SAMMSON: variants seen among roughly 807,000 people sequenced by gnomAD.
The protein encoded by SAMMSON is long intergenic non-protein coding RNA 1212.
chr3:70,094,244 G>A (rs560797586), intron 4 of SAMMSON, among the ~76,000 whole-genome samples: 2 of 152,134 alleles, frequency 1.3e-5, no homozygotes, highest in South Asian at 2.1e-4. Context: ...CCACCACCAG[G>A]ATCTCATCTA....
At chr3:70,291,014 G>A (rs999435802) in intron 6 of SAMMSON, among the ~76,000 whole-genome samples, 4 of 152,182 alleles carry the variant, frequency 2.6e-5, no homozygotes, top group Non-Finnish European at 5.9e-5. Context: ...AGAAATCACC[G>A]GTCTTCTGCT....
chr3:70,170,911 C>A (rs1273746680), intron 4 of SAMMSON, among the ~76,000 whole-genome samples: 7 of 151,836 alleles, frequency 4.6e-5, no homozygotes, highest in Non-Finnish European at 7.4e-5. Context: ...ATACACTGTT[C>A]TTAAACAAAC....
intron 4 of SAMMSON, among the ~76,000 whole-genome samples, chr3:70,231,415 C>T (rs542769493): frequency 1.3e-5 from 2 of 152,196 alleles, no homozygotes; most frequent in Non-Finnish European, 2.9e-5. Flanking sequence ...AGCTCTACCC[C>T]CAGAGCTCCC....
In SAMMSON at chr3:70,320,735, A is replaced by G. The variant is rs1702533097; in HGVS notation, n.739+29492A>G. ...CGAAATGGGTCATTCAAGCTGGCCA[A>G]TCCAATCCTCTCCCAAAATTTGGAA... is the stretch of plus-strand genomic sequence containing the variant. On this transcript the variant is annotated intron_variant and non_coding_transcript_variant, in intron 7 of 9. Transcript: ENST00000642114. Among the ~76,000 whole-genome samples, 8 of 152,226 alleles carry G rather than the reference A, an allele frequency of 5.3e-5. No individual in the cohort carries two copies. The South Asian group carries it at 1.2e-3, about 24-fold the overall frequency.
At chr3:70,102,845 C>G (rs2067351395) in intron 4 of SAMMSON, among the ~76,000 whole-genome samples, 1 of 152,178 alleles carries the variant, frequency 6.6e-6, no homozygotes, top group Non-Finnish European at 1.5e-5. Flanking sequence ...GATTGCTCTG[C>G]TCTGCTCTTT....
chr3:70,008,699 G>T (rs1356453861), intron 1 of SAMMSON, among the ~76,000 whole-genome samples: 1 of 152,124 alleles, frequency 6.6e-6, no homozygotes, highest in Non-Finnish European at 1.5e-5. Context: ...GTGAGAGAGG[G>T]CATCCCTGTC....
intron 1 of SAMMSON, among the ~76,000 whole-genome samples, chr3:70,007,705 A>T (rs578127569): frequency 2.6e-5 from 4 of 152,016 alleles, no homozygotes; most frequent in Admixed American, 2.6e-4. Context: ...GGTGTTTTAG[A>T]CATGAAGTCC....
In SAMMSON at chr3:70,287,700, G is replaced by T. The variant is rs892994652; in HGVS notation, n.675-3479G>T. On this transcript the variant is annotated intron_variant and non_coding_transcript_variant, in intron 6 of 9. Transcript: ENST00000642114. ...ATCCGTCTGGTCCTGGACTCTTTTT[G>T]GTTGGTAAGCTATTGATTATTGCCA... Among the ~76,000 whole-genome samples, 425 of 151,942 alleles carry T rather than the reference G, an allele frequency of 2.8e-3. 3 individuals are homozygous for T. The highest frequency in any genetic ancestry group is 9.4e-3 in the African/African-American group (388 of 41,438).
intron 4 of SAMMSON, among the ~76,000 whole-genome samples, chr3:70,114,242 G>A (rs962990659): frequency 6.6e-6 from 1 of 152,086 alleles, no homozygotes; most frequent in African/African-American, 2.4e-5. Context: ...TAATGAGAAT[G>A]TTTGAAACCA....
chr3:70,417,802 A>C (rs1424171214), intron 2 of SAMMSON, among the ~76,000 whole-genome samples: 1 of 152,152 alleles, frequency 6.6e-6, no homozygotes, highest in East Asian at 1.9e-4. Flanking sequence ...CTTCTTGATC[A>C]CAGACCCACT....
intron 3 of SAMMSON, chr3:70,070,454 A>G (rs2067225523): frequency 6.6e-6 from 1 of 151,960 alleles, no homozygotes; most frequent in Non-Finnish European, 1.5e-5. Context: ...GTTTTGAACA[A>G]TCTATCATTT....
chr3:70,107,239 A>C (rs550344830), intron 4 of SAMMSON, among the ~76,000 whole-genome samples: 2 of 152,350 alleles, frequency 1.3e-5, no homozygotes, highest in East Asian at 3.9e-4. Context: ...GAGAGTCCTA[A>C]CAGAGAAGAT....
At chr3:70,267,783 G>A (rs1172338122) in intron 6 of SAMMSON, among the ~76,000 whole-genome samples, 2 of 151,998 alleles carry the variant, frequency 1.3e-5, no homozygotes, top group African/African-American at 4.8e-5. Flanking sequence ...CACTGGATGA[G>A]AGTTCAGTTG....
At chr3:70,351,660 T>G (rs1306033943) in intron 7 of SAMMSON, among the ~76,000 whole-genome samples, 1 of 149,312 alleles carries the variant, frequency 6.7e-6, no homozygotes, top group African/African-American at 2.5e-5. Context: ...CTGAAGAAAT[T>G]GGTCACTCAG....
intron 3 of SAMMSON, among the ~76,000 whole-genome samples, chr3:70,021,535 A>T (rs147950902): frequency 1.3e-5 from 2 of 152,276 alleles, no homozygotes; most frequent in African/African-American, 4.8e-5. Flanking sequence ...TGCCAAATGT[A>T]TTTCTACTAG....
At chr3:70,220,386 C>A (rs1357803864) in intron 4 of SAMMSON, among the ~76,000 whole-genome samples, 1 of 151,950 alleles carries the variant, frequency 6.6e-6, no homozygotes, top group Non-Finnish European at 1.5e-5. Context: ...CTGCAGTGAG[C>A]TATGATGGCA....
chr3:70,379,707 C>A (rs1273979516), intron 9 of SAMMSON, among the ~76,000 whole-genome samples: 2 of 152,046 alleles, frequency 1.3e-5, no homozygotes, highest in African/African-American at 4.8e-5. Context: ...GCTTTCCCAG[C>A]AGCTTAGCAA....
chr3:70,309,694 A>G (rs982336900), intron 7 of SAMMSON, among the ~76,000 whole-genome samples: 2 of 152,204 alleles, frequency 1.3e-5, no homozygotes, highest in African/African-American at 2.4e-5. Context: ...AAAAAAAGAC[A>G]TTTATGTTTG....
intron 4 of SAMMSON, among the ~76,000 whole-genome samples, chr3:70,083,275 A>ACTT (rs2067273063): frequency 6.6e-6 from 1 of 152,184 alleles, no homozygotes; most frequent in Non-Finnish European, 1.5e-5. Context: ...ACTATAACGT[A>ACTT]AATACTTATG....
Sources: allele counts gnomAD v4.1 joint callset (sites outside exome capture counted in the v4.1 genomes callset), GRCh38; gene constraint gnomAD v4.1.1; transcripts MANE v1.5; gene names NCBI Gene and HGNC (gene_info 2026-07-23, HGNC 2026-07-21).